DPH6: variants seen among roughly 807,000 people sequenced by gnomAD.
The protein encoded by DPH6 is diphthine--ammonia ligase.
DPH6 carries 33 observed loss-of-function variants against 38.2 expected under a neutral mutation model. The observed-to-expected ratio is 0.86, with a 90% CI of 0.65 to 1.15. The LOEUF is 1.15. Among genes scored for constraint, DPH6 ranks in the 50% most tolerant of loss-of-function variants. The pLI is 0.00. For synonymous variants in DPH6, 108 were observed against 103.0 expected (o/e 1.05, Z -0.30); for missense variants, 325 against 320.0 (o/e 1.02, Z -0.12).
intron 3 of DPH6, chr15:35,520,170 TA>T: frequency 2.7e-6 from 1 of 365,886 alleles, no homozygotes; most frequent in Non-Finnish European, 3.5e-6. Flanking sequence ...CCTTCTTGGA[TA>T]AAATGACAGC....
the DPH6 span, among the ~76,000 whole-genome samples, chr15:35,175,835 T>C: frequency 2.6e-5 from 4 of 152,224 alleles, no homozygotes; most frequent in African/African-American, 9.6e-5. Flanking sequence ...AGTGAAGCTT[T>C]GCACACAAAA....
At chr15:35,449,679 C>T (rs1175035352) in intron 5 of DPH6, among the ~76,000 whole-genome samples, 1 of 87,030 alleles carries the variant, frequency 1.1e-5, no homozygotes, top group African/African-American at 2.9e-5. Context: ...AACCTTTTCT[C>T]AGAAATAAAA....
the DPH6 span, among the ~76,000 whole-genome samples, chr15:35,204,827 A>G: frequency 6.6e-6 from 1 of 151,916 alleles, no homozygotes; most frequent in African/African-American, 2.4e-5. Flanking sequence ...ACCACATTGA[A>G]GAGTTGCCTG....
At chr15:35,221,655 T>C (rs1336821342) in intron 3 of DPH6, among the ~76,000 whole-genome samples, 3 of 152,176 alleles carry the variant, frequency 2.0e-5, no homozygotes, top group Admixed American at 2.0e-4. Flanking sequence ...GTTCTCCCAT[T>C]GTCTTGATGA....
chr15:35,361,585 T>C (rs371488636), intron 3 of DPH6, among the ~76,000 whole-genome samples: 1 of 151,852 alleles, frequency 6.6e-6, no homozygotes, highest in Non-Finnish European at 1.5e-5. Flanking sequence ...TCATGTCCCA[T>C]AAGTTCTTTA....
intron 3 of DPH6, among the ~76,000 whole-genome samples, chr15:35,472,645 C>A (rs114252919): frequency 1.3e-5 from 2 of 152,046 alleles, no homozygotes; most frequent in African/African-American, 4.8e-5. Flanking sequence ...AAAACTTTAA[C>A]AGTATGTAAT....
chr15:35,298,963 GCTC>G (rs2052034518), intron 3 of DPH6: 3 of 771,102 alleles, frequency 3.9e-6, no homozygotes, highest in African/African-American at 3.4e-5. Context: ...CTCTTCTCTC[GCTC>G]CTAATCTTCA....
the DPH6 span, among the ~76,000 whole-genome samples, chr15:35,162,172 C>A: frequency 6.6e-6 from 1 of 151,878 alleles, no homozygotes; most frequent in Non-Finnish European, 1.5e-5. Flanking sequence ...TCTAATGGAT[C>A]CCCTTGCTTC....
chr15:35,174,047 G>A, the DPH6 span, among the ~76,000 whole-genome samples: 1 of 152,050 alleles, frequency 6.6e-6, no homozygotes, highest in Admixed American at 6.6e-5. Flanking sequence ...CAGTGTTATC[G>A]TGACAATTTA....
chr15:35,353,920 T>G (rs1359259563), intron 3 of DPH6, among the ~76,000 whole-genome samples: 3 of 152,216 alleles, frequency 2.0e-5, no homozygotes, highest in Admixed American at 6.5e-5. Context: ...AAGCATGGAA[T>G]GTTCTTCCAT....
intron 5 of DPH6, among the ~76,000 whole-genome samples, chr15:35,424,361 T>G (rs1223489650): frequency 6.6e-6 from 1 of 151,662 alleles, no homozygotes; most frequent in African/African-American, 2.4e-5. Flanking sequence ...TTTCAGATAG[T>G]TTGTTATTTG....
At chr15:35,509,025 T>C (rs1304288048) in intron 3 of DPH6, among the ~76,000 whole-genome samples, 1 of 152,222 alleles carries the variant, frequency 6.6e-6, no homozygotes, top group East Asian at 1.9e-4. Context: ...TTTGTATGTT[T>C]GTTTCATTTT....
At chr15:35,439,878 C>T (rs767399049) in intron 5 of DPH6, among the ~76,000 whole-genome samples, 5 of 152,224 alleles carry the variant, frequency 3.3e-5, no homozygotes, top group African/African-American at 9.6e-5. Flanking sequence ...TTATTCTTTG[C>T]TCCACATTAC....
At chr15:35,172,950 C>T in the DPH6 span, among the ~76,000 whole-genome samples, 1 of 152,128 alleles carries the variant, frequency 6.6e-6, no homozygotes, top group Non-Finnish European at 1.5e-5. Context: ...CCACCATGTC[C>T]CGCTACTTTT....
At chr15:35,326,563 T>C (rs892493826), downstream of DPH6, among the ~76,000 whole-genome samples, 5 of 151,950 alleles carry the variant, frequency 3.3e-5, no homozygotes, top group African/African-American at 4.8e-5. Context: ...TCCTGAGTAG[T>C]AGGGACTACA....
rs759530818 is a variant in DPH6, at chr15:35,410,845, T to C, written c.557A>G (p.Tyr186Cys). The change falls in exon 6 of 9, where the codon TAT becomes TGT. Residue 186 changes from tyrosine (Y) to cysteine (C), a missense_variant. Physicochemically the swap from Tyr to Cys is radical, Grantham distance 194. Transcript: ENST00000256538. ...AGTATAAATTCTTACCTCTATGAGA[T>C]AAGGCTCCATTTGATCCAGGGTTTT... is the stretch of plus-strand genomic sequence containing the variant. ...LGKTLDQMEPYLIELSKKYGV... is the reference protein window; with the variant it reads ...LGKTLDQMEPCLIELSKKYGV... 3.7e-6 allele frequency: 6 copies of C among 1,602,410 alleles called. No homozygotes were observed. In the South Asian group the frequency reaches 6.7e-5, roughly 18 times the overall value.
At chr15:35,502,192 T>TCA (rs1331822483) in intron 3 of DPH6, among the ~76,000 whole-genome samples, 1 of 152,082 alleles carries the variant, frequency 6.6e-6, no homozygotes, top group Non-Finnish European at 1.5e-5. Context: ...CACCCAGACA[T>TCA]CACAGGAATA....
chr15:35,171,997 A>G, the DPH6 span, among the ~76,000 whole-genome samples: 221 of 152,120 alleles, frequency 1.5e-3, no homozygotes, highest in African/African-American at 5.2e-3. Flanking sequence ...CCTCCCAAGT[A>G]GCTGGGACTA....
chr15:35,236,969 G>A (rs1185625156), intron 3 of DPH6, among the ~76,000 whole-genome samples: 3 of 152,108 alleles, frequency 2.0e-5, no homozygotes, highest in African/African-American at 4.8e-5. Flanking sequence ...TGATAAAGTC[G>A]ATAGATAAGT....
Sources: allele counts gnomAD v4.1 joint callset (sites outside exome capture counted in the v4.1 genomes callset), GRCh38; gene constraint gnomAD v4.1.1; transcripts MANE v1.5; gene names NCBI Gene and HGNC (gene_info 2026-07-23, HGNC 2026-07-21).